CLYBL: variants seen among roughly 807,000 people sequenced by gnomAD.
CLYBL encodes the protein citramalyl-CoA lyase, mitochondrial.
In CLYBL, 31 loss-of-function variants were observed where a neutral mutation model predicts 38.9. That is an observed-to-expected ratio of 0.80 (90% CI 0.60 to 1.08). CLYBL has a LOEUF of 1.08. Ranked by LOEUF, CLYBL falls within the 50% of genes least tolerant of loss-of-function variation. The probability of loss-of-function intolerance (pLI) is 0.00; values close to 1 mark genes in which losing one functional copy is unlikely to be tolerated. For missense variants in CLYBL, 434 were observed against 411.6 expected, an observed-to-expected ratio of 1.05 and a Z score of -0.47; for synonymous variants, 171 against 158.6, an observed-to-expected ratio of 1.08 and a Z score of -0.59.
chr13:99,653,481 C>T (rs1176496909), intron 1 of CLYBL, among the ~76,000 whole-genome samples: 1 of 152,168 alleles, frequency 6.6e-6, no homozygotes, highest in Admixed American at 6.5e-5. Flanking sequence ...TCTCTGCCTC[C>T]CTCTACTCAT....
Position 99,886,110 on chromosome 13 carries a change from G to A in CLYBL, c.928-5208G>A, listed in dbSNP as rs117926163. Reference sequence around the variant, plus strand: ...CTAGCCGCTGTATTCAAATATTAGCGTTAATTCTCACAGAGAACTCCCTCT... The same window carrying A: ...CTAGCCGCTGTATTCAAATATTAGCATTAATTCTCACAGAGAACTCCCTCT... On this transcript the variant is annotated intron_variant, in intron 7 of 8. Transcript: ENST00000339105. Among the ~76,000 whole-genome samples the A allele has an allele frequency of 4.3e-3, 661 of 152,260 alleles. 2 individuals are homozygous for A. The highest frequency in any genetic ancestry group is 0.013 in the East Asian group (68 of 5,176).
At chr13:99,632,030 C>T (rs762822716) in intron 1 of CLYBL, among the ~76,000 whole-genome samples, 6 of 152,128 alleles carry the variant, frequency 3.9e-5, no homozygotes, top group South Asian at 2.1e-4. Context: ...TAGCTTTAAC[C>T]TGAAGGTACT....
chr13:99,629,503 G>A (rs958844194), intron 1 of CLYBL, among the ~76,000 whole-genome samples: 5 of 152,100 alleles, frequency 3.3e-5, no homozygotes, highest in Admixed American at 6.5e-5. Flanking sequence ...TGGTCCTCCT[G>A]CTCCTGGGTC....
intron 1 of CLYBL, among the ~76,000 whole-genome samples, chr13:99,704,753 G>T (rs776116709): frequency 6.6e-6 from 1 of 152,170 alleles, no homozygotes; most frequent in Non-Finnish European, 1.5e-5. Flanking sequence ...GAAGTAGCAG[G>T]TGATGGTAGT....
intron 2 of CLYBL, among the ~76,000 whole-genome samples, chr13:99,812,574 C>T (rs530373887): frequency 6.6e-6 from 1 of 152,230 alleles, no homozygotes; most frequent in East Asian, 1.9e-4. Flanking sequence ...ATGATTTCTA[C>T]ACACACTTCC....
At chr13:99,810,258 A>G (rs749496255) in intron 2 of CLYBL, among the ~76,000 whole-genome samples, 7 of 152,202 alleles carry the variant, frequency 4.6e-5, no homozygotes, top group African/African-American at 9.7e-5. Flanking sequence ...ACTCACATCA[A>G]TGTTTGGTTG....
At chr13:99,794,177 T>G (rs541454372) in intron 2 of CLYBL, among the ~76,000 whole-genome samples, 4 of 152,284 alleles carry the variant, frequency 2.6e-5, no homozygotes, top group Admixed American at 1.3e-4. Flanking sequence ...TCCCAGCACT[T>G]TGGGAGGCCG....
intron 1 of CLYBL, among the ~76,000 whole-genome samples, chr13:99,609,411 G>C (rs1455215829): frequency 6.6e-6 from 1 of 152,002 alleles, no homozygotes; most frequent in African/African-American, 2.4e-5. Flanking sequence ...TTCTGACCTC[G>C]TGATCCACCT....
intron 1 of CLYBL, among the ~76,000 whole-genome samples, chr13:99,630,085 C>G (rs933410803): frequency 6.6e-6 from 1 of 152,066 alleles, no homozygotes; most frequent in Non-Finnish European, 1.5e-5. Flanking sequence ...CCTTGCACCC[C>G]TGGGAGGATG....
In CLYBL at chr13:99,676,182, GTCCGTCCT is replaced by G. The variant is rs1344893562; in HGVS notation, c.62+69429_62+69436del. On this transcript the variant is annotated intron_variant, in intron 1 of 8. Coordinates refer to ENST00000339105, the MANE Select transcript of CLYBL (RefSeq NM_206808.5). ...CAGACTGGCTTCCTTCCTTCCCTCC[GTCCGTCCT>G]TCCTTCCTTCCTTCCTTCCTTCCTT... Among the ~76,000 whole-genome samples, 5 of 84,810 alleles carry G rather than the reference GTCCGTCCT, an allele frequency of 5.9e-5. No individual in the cohort carries two copies. In the South Asian group the frequency reaches 1.1e-3, roughly 19 times the overall value. 55.6% of individuals were successfully genotyped at this position (84,810 alleles called of 152,430 possible). A position where few individuals can be genotyped will look rare whatever the true frequency, so the allele number is the denominator to read the frequency against.
intron 1 of CLYBL, among the ~76,000 whole-genome samples, chr13:99,710,830 A>AT (rs2048218253): frequency 1.3e-5 from 2 of 150,710 alleles, no homozygotes; most frequent in South Asian, 4.2e-4. Flanking sequence ...TTGTAAGCAC[A>AT]TCTCCTTCAA....
intron 1 of CLYBL, among the ~76,000 whole-genome samples, chr13:99,618,367 T>C (rs1297524643): frequency 6.6e-6 from 1 of 152,126 alleles, no homozygotes; most frequent in Non-Finnish European, 1.5e-5. Flanking sequence ...CCTCCTGGGT[T>C]CAAGCAACTC....
intron 1 of CLYBL, among the ~76,000 whole-genome samples, chr13:99,748,322 G>C (rs994640518): frequency 2.0e-5 from 3 of 151,404 alleles, no homozygotes; most frequent in Admixed American, 6.6e-5. Context: ...AGAGGTTGCA[G>C]TGAGCCAAGA....
intron 2 of CLYBL, among the ~76,000 whole-genome samples, chr13:99,822,231 A>G (rs939180020): frequency 2.6e-5 from 4 of 152,364 alleles, no homozygotes; most frequent in East Asian, 3.9e-4. Context: ...GTAAGCCACT[A>G]TGTTTCAGAG....
At chr13:99,703,526 T>C (rs981271187) in intron 1 of CLYBL, among the ~76,000 whole-genome samples, 6 of 152,096 alleles carry the variant, frequency 3.9e-5, no homozygotes, top group Non-Finnish European at 7.4e-5. Flanking sequence ...CATGCCACCA[T>C]GCCCAGCTAA....
rs150609729 is a variant in CLYBL at position 99,878,824 on chromosome 13, C to T, written c.927+7762C>T. On this transcript the variant is annotated intron_variant, in intron 7 of 8. Coordinates refer to ENST00000339105, the MANE Select transcript of CLYBL (RefSeq NM_206808.5). ...TCCAGATTTCCTTGTGAAAAGATAT[C>T]GAAAACAAAGACTTGCCTACTCTTG... Among the ~76,000 whole-genome samples the T allele has an allele frequency of 5.9e-3, 895 of 152,226 alleles. 12 individuals are homozygous for T. The highest frequency in any genetic ancestry group is 0.021 in the African/African-American group (862 of 41,532).
chr13:99,710,048 C>G (rs1477528569), intron 1 of CLYBL, among the ~76,000 whole-genome samples: 1 of 151,458 alleles, frequency 6.6e-6, no homozygotes, highest in African/African-American at 2.4e-5. Context: ...CTCAGCCTCT[C>G]CGAGTAGCTG....
At chr13:99,724,551 A>G (rs117103944) in intron 1 of CLYBL, among the ~76,000 whole-genome samples, 1,561 of 151,902 alleles carry the variant, frequency 0.01, 62 homozygotes, top group Admixed American at 0.067. Flanking sequence ...AAAAAAAAGA[A>G]TGGATCCCAA....
At chr13:99,609,206 C>A (rs1482365876) in intron 1 of CLYBL, among the ~76,000 whole-genome samples, 2 of 101,692 alleles carry the variant, frequency 2.0e-5, no homozygotes, top group South Asian at 3.6e-4. Flanking sequence ...GAGACAGAGT[C>A]TTGCTCTGTC....
Sources: gnomAD v4.1 joint callset for allele counts (sites outside exome capture counted in the v4.1 genomes callset) on GRCh38, gnomAD v4.1.1 for gene constraint, MANE v1.5 for transcripts, NCBI Gene and HGNC (gene_info 2026-07-23, HGNC 2026-07-21) for gene names.